Variants in ANKHD1 observed in about 807,000 individuals in gnomAD.
The protein encoded by ANKHD1 is ankyrin repeat and KH domain containing 1.
ANKHD1 carries 31 observed loss-of-function variants against 230.5 expected under a neutral mutation model. That is an observed-to-expected ratio of 0.13 (90% CI 0.10 to 0.18). ANKHD1 has a LOEUF of 0.18. Ranked by LOEUF, ANKHD1 falls within the 10% of genes least tolerant of loss-of-function variation. The pLI, the probability that ANKHD1 is intolerant of heterozygous loss-of-function variation, is 1.00. For missense variants in ANKHD1, 2,256 were observed against 3,071.3 expected, an observed-to-expected ratio of 0.73 and a Z score of 6.27; for synonymous variants, 1,074 against 1,117.6, an observed-to-expected ratio of 0.96 and a Z score of 0.78.
chr5:140,431,294 T>G (rs1581236600), intron 1 of ANKHD1, among the ~76,000 whole-genome samples: 1 of 152,192 alleles, frequency 6.6e-6, no homozygotes, highest in East Asian at 1.9e-4. Context: ...TATTTAAAAT[T>G]TTATCATATG....
intron 14 of ANKHD1, among the ~76,000 whole-genome samples, chr5:140,492,756 T>G (rs1250194414): frequency 6.6e-6 from 1 of 152,180 alleles, no homozygotes; most frequent in Non-Finnish European, 1.5e-5. Context: ...AAATCTAGTC[T>G]AGATCCTTCT....
chr5:140,449,061 CTTTG>C (rs1416383841), intron 6 of ANKHD1, 146 bp from the exon 7 acceptor site: 15 of 802,654 alleles, frequency 1.9e-5, no homozygotes, highest in Non-Finnish European at 2.8e-5. Flanking sequence ...TTTGAATGGG[CTTTG>C]TAAAACTGTT....
chr5:140,533,369 C>T (rs1753922430), intron 29 of ANKHD1, among the ~76,000 whole-genome samples: 1 of 152,180 alleles, frequency 6.6e-6, no homozygotes, highest in Non-Finnish European at 1.5e-5. Flanking sequence ...GAGGCCGAGG[C>T]GGGCAGATCA....
At chr5:140,419,198 TG>T (rs914791902) in intron 1 of ANKHD1, among the ~76,000 whole-genome samples, 48 of 152,034 alleles carry the variant, frequency 3.2e-4, no homozygotes, top group Non-Finnish European at 5.9e-4. Context: ...ATTGTGGTTT[TG>T]ATTTGCATTT....
At position 140,523,982 on chromosome 5, in the gene ANKHD1, C is replaced by T. The variant is rs1001559454; in HGVS notation, c.4318-84C>T. On this transcript the variant is annotated intron_variant, in intron 24 of 33. Coordinates refer to ENST00000360839, the MANE Select transcript of ANKHD1 (RefSeq NM_017747.3). ...TTTGAGAGTAACATCCATGGAAATC[C>T]CTGTGTATCATAAAAATATCATTTC... The T allele has an allele frequency of 6.9e-6, 10 of 1,453,132 alleles. 1 individual carries two copies. The Admixed American group carries it at 2.0e-4, about 30-fold the overall frequency. The allele number at this position is 1,453,132 out of a possible 1,614,324, so 90.0% of individuals were successfully genotyped here.
chr5:140,536,087 A>G (rs1258618644), intron 30 of ANKHD1, among the ~76,000 whole-genome samples: 1 of 148,284 alleles, frequency 6.7e-6, no homozygotes, highest in Non-Finnish European at 1.5e-5. Context: ...CCTTTGTTCT[A>G]TTGATTGATT....
intron 14 of ANKHD1, 59 bp from the exon 15 acceptor site, chr5:140,496,461 C>CTTTTTTTTTTT (rs770445733): frequency 3.9e-6 from 2 of 513,090 alleles, no homozygotes; most frequent in African/African-American, 3.3e-5. Context: ...TTTTTCTTTT[C>CTTTTTTTTTTT]TTTTTTTTTT....
rs1039132203 is a variant in ANKHD1 at position 140,539,831 on chromosome 5, A to G, written c.*413A>G. 3 of 158,190 alleles carry G rather than the reference A, an allele frequency of 1.9e-5. No individual in the cohort carries two copies. Among genetic ancestry groups the G allele is most frequent in the African/African-American group, 7.2e-5 (3 of 41,524 alleles). The allele number at this position is 158,190 out of a possible 1,614,324, so 9.8% of individuals were successfully genotyped here. The stretch of plus-strand genomic sequence containing the variant: ...ATGTGAAATATTTACCAGAATATTC[A>G]ATAAAAAGATGAACAGTCTTTAGAA... On this transcript the variant is annotated 3_prime_UTR_variant, in exon 34 of 34. Transcript: ENST00000360839.
chr5:140,448,920 A>G (rs1423875363), intron 6 of ANKHD1, among the ~76,000 whole-genome samples: 3 of 152,228 alleles, frequency 2.0e-5, no homozygotes, highest in Non-Finnish European at 4.4e-5. Flanking sequence ...TGTTTTGATT[A>G]GATAAATAAT....
At chr5:140,524,896 T>G (rs1332907304) in intron 25 of ANKHD1, 1 of 240,486 alleles carries the variant, frequency 4.2e-6, no homozygotes. Flanking sequence ...GTCAGGAGTT[T>G]GAGACCAGCC....
At chr5:140,498,579 T>C (rs1357788369) in intron 15 of ANKHD1, among the ~76,000 whole-genome samples, 2 of 152,218 alleles carry the variant, frequency 1.3e-5, no homozygotes, top group African/African-American at 4.8e-5. Flanking sequence ...ATATCTTCAG[T>C]TGGTAGACAC....
At chr5:140,416,308 T>A (rs917896192) in intron 1 of ANKHD1, among the ~76,000 whole-genome samples, 2 of 152,232 alleles carry the variant, frequency 1.3e-5, no homozygotes, top group Admixed American at 6.5e-5. Flanking sequence ...TACCCAGTAA[T>A]GGGATGGCTG....
chr5:140,436,061 T>G, intron 1 of ANKHD1, 43 bp from the exon 2 acceptor site: 1 of 1,449,696 alleles, frequency 6.9e-7, no homozygotes, highest in Non-Finnish European at 9.1e-7. Flanking sequence ...CTAATCATAT[T>G]GATATCAGTT....
At chr5:140,441,507 C>T (rs1318154386) in intron 5 of ANKHD1, among the ~76,000 whole-genome samples, 2 of 150,486 alleles carry the variant, frequency 1.3e-5, no homozygotes, top group African/African-American at 4.9e-5. Context: ...TTTTTTTTTT[C>T]CCCCACAGTC....
intron 1 of ANKHD1, among the ~76,000 whole-genome samples, chr5:140,406,245 A>G (rs947396900): frequency 1.1e-4 from 16 of 152,012 alleles, no homozygotes; most frequent in African/African-American, 3.4e-4. Context: ...CTCAAAAAAA[A>G]AAAAAAATAA....
At chr5:140,486,395 A>G (rs1751504253) in intron 13 of ANKHD1, among the ~76,000 whole-genome samples, 1 of 152,172 alleles carries the variant, frequency 6.6e-6, no homozygotes, top group Admixed American at 6.5e-5. Context: ...CTCCCAAGGT[A>G]GTATTAATTA....
intron 15 of ANKHD1, among the ~76,000 whole-genome samples, chr5:140,501,601 T>C (rs948903755): frequency 2.0e-5 from 3 of 151,826 alleles, no homozygotes; most frequent in Non-Finnish European, 4.4e-5. Context: ...TACAAAAAAA[T>C]TAGCCAGGCA....
In ANKHD1 at chr5:140,529,327, T is replaced by C. The variant is rs778651599; in HGVS notation, c.6381T>C (p.Ala2127=). ...NQDTSNLPQL[A]VPAPRVSHRM... The stretch of plus-strand genomic sequence containing the variant: ...ACACCAGTAATTTACCTCAGTTAGC[T>C]GTACCAGCACCTCGAGTTTCTCATC... The change falls in exon 29 of 34, where the codon GCT becomes GCC. Residue 2127 remains alanine (A), a synonymous_variant. Coordinates refer to ENST00000360839, the MANE Select transcript of ANKHD1 (RefSeq NM_017747.3). The C allele has an allele frequency of 6.2e-7, 1 of 1,614,234 alleles. No homozygotes were observed. Among genetic ancestry groups the C allele is most frequent in the Non-Finnish European group, 8.5e-7 (1 of 1,180,040 alleles).
intron 29 of ANKHD1, among the ~76,000 whole-genome samples, chr5:140,534,598 A>G (rs1306568632): frequency 6.6e-6 from 1 of 152,000 alleles, no homozygotes; most frequent in Non-Finnish European, 1.5e-5. Flanking sequence ...TCTCGAAGTC[A>G]TTTTTTTTAA....
Sources: allele counts gnomAD v4.1 joint callset (sites outside exome capture counted in the v4.1 genomes callset), GRCh38; gene constraint gnomAD v4.1.1; transcripts MANE v1.5; gene names NCBI Gene and HGNC (gene_info 2026-07-23, HGNC 2026-07-21).